The following SCN8A variants were observed in gnomAD, a reference collection of about 807,000 sequenced individuals.
The protein encoded by SCN8A is sodium channel protein type 8 subunit alpha.
Under a neutral mutation model 184.1 loss-of-function variants are expected in SCN8A, and 30 were observed. The observed-to-expected ratio is 0.16, with a 90% CI of 0.12 to 0.22. SCN8A has a LOEUF of 0.22. Ranked by LOEUF, SCN8A falls within the 10% of genes least tolerant of loss-of-function variation. The pLI, the probability that SCN8A is intolerant of heterozygous loss-of-function variation, is 1.00. For synonymous variants in SCN8A, 852 were observed against 907.0 expected (o/e 0.94, Z 1.09); for missense variants, 1,057 against 2,498.9 (o/e 0.42, Z 12.30).
intron 9 of SCN8A, among the ~76,000 whole-genome samples, chr12:51,704,648 T>G (rs1592391885): frequency 8.0e-6 from 1 of 124,564 alleles, no homozygotes; most frequent in African/African-American, 3.1e-5. Flanking sequence ...CCAGCCTGGG[T>G]GACAGAGCAA....
chr12:51,718,009 G>C (rs183848196), intron 11 of SCN8A, among the ~76,000 whole-genome samples: 2 of 152,258 alleles, frequency 1.3e-5, no homozygotes, highest in East Asian at 1.9e-4. Flanking sequence ...TGAGAGCATG[G>C]AATAATATGC....
chr12:51,807,424 T>C lies in SCN8A; in HGVS notation c.5938T>C (p.Cys1980Arg). The change falls in exon 27 of 27, where the codon TGT becomes CGT. Residue 1980 changes from cysteine to arginine, a missense_variant. By Grantham distance (180) the Cys-to-Arg change is radical. Around this residue, in one of 19 missense-constraint regions of SCN8A, gnomAD observed 95 missense variants for 140.2 expected, o/e 0.68. Transcript: ENST00000627620. The surrounding 1 kb of genome is among the most constrained non-coding windows in gnomAD (Gnocchi z 4.5). ...KRQKEVRESK[C>R] is the part of the protein sequence containing the mutation. ...ACAAAAAGAGGTCAGAGAATCCAAG[T>C]GTTAGAGGAGAACAAAAATTCAGTA... 4 of 1,607,258 alleles carry C rather than the reference T, an allele frequency of 2.5e-6. No homozygotes were observed. The highest frequency in any genetic ancestry group is 3.4e-6 in the Non-Finnish European group (4 of 1,176,494).
At chr12:51,672,525 C>G (rs144584581) in intron 2 of SCN8A, among the ~76,000 whole-genome samples, 1 of 152,182 alleles carries the variant, frequency 6.6e-6, no homozygotes, top group East Asian at 1.9e-4. Context: ...CAGTTCTTGG[C>G]CCATGTTCCT....
intron 1 of SCN8A, among the ~76,000 whole-genome samples, chr12:51,620,821 C>G (rs1565862141): frequency 6.7e-6 from 1 of 150,092 alleles, no homozygotes; most frequent in Non-Finnish European, 1.5e-5. Flanking sequence ...GACACCATCT[C>G]TATTTAAAAA....
At chr12:51,789,923 AT>A (rs1225596904) in intron 24 of SCN8A, among the ~76,000 whole-genome samples, 1 of 152,274 alleles carries the variant, frequency 6.6e-6, no homozygotes, top group Non-Finnish European at 1.5e-5. Context: ...AGTCAAGTCT[AT>A]CCCAGCATAC....
intron 1 of SCN8A, among the ~76,000 whole-genome samples, chr12:51,605,313 C>G (rs1939565239): frequency 6.6e-6 from 1 of 152,176 alleles, no homozygotes; most frequent in Non-Finnish European, 1.5e-5. Context: ...ATCCTCATAG[C>G]TTAGCTCCCA....
At chr12:51,737,725 T>C (rs1331458724) in intron 12 of SCN8A, among the ~76,000 whole-genome samples, 1 of 152,186 alleles carries the variant, frequency 6.6e-6, no homozygotes, top group Admixed American at 6.5e-5. Flanking sequence ...CATATAACAC[T>C]TAGCAGGCTG....
chr12:51,766,257 T>C, intron 16 of SCN8A: 1 of 568,316 alleles, frequency 1.8e-6, no homozygotes, highest in Admixed American at 3.2e-5. Flanking sequence ...TTTCCTAGAG[T>C]TAGGAAAGCA....
intron 1 of SCN8A, among the ~76,000 whole-genome samples, chr12:51,592,674 A>G (rs1939254374): frequency 6.6e-6 from 1 of 151,956 alleles, no homozygotes. Context: ...CTTTTTATGC[A>G]CAGTGGGCAC....
intron 11 of SCN8A, among the ~76,000 whole-genome samples, chr12:51,715,962 T>C (rs750252213): frequency 6.6e-6 from 1 of 152,172 alleles, no homozygotes; most frequent in Non-Finnish European, 1.5e-5. Flanking sequence ...TAAGGATGAA[T>C]CAGTCAATGT....
chr12:51,800,229 A>T lies in SCN8A; in HGVS notation c.4795+5588A>T, dbSNP rs568447739. 1.2e-3 allele frequency among the ~76,000 whole-genome samples: 182 copies of T among 152,392 alleles called. 1 individual carries two copies. Among genetic ancestry groups the T allele is most frequent in the African/African-American group, 4.1e-3 (169 of 41,592 alleles). ...GCATTTGCCAAATCCGTAGCTGCAT[A>T]TCAGATACCAGGAGATGTGTTAATT... On this transcript the variant is annotated intron_variant, in intron 26 of 26. Coordinates refer to ENST00000627620, the MANE Select transcript of SCN8A (RefSeq NM_001330260.2).
intron 12 of SCN8A, among the ~76,000 whole-genome samples, chr12:51,725,219 G>A (rs921371087): frequency 4.5e-4 from 69 of 152,204 alleles, no homozygotes; most frequent in Non-Finnish European, 9.6e-4. Flanking sequence ...GTTATGGCTA[G>A]TTGTTAACGG....
Position 51,636,203 on chromosome 12 carries a change from A to G in SCN8A, c.-54-26561A>G, listed in dbSNP as rs528622714. On this transcript the variant is annotated intron_variant, in intron 1 of 26. Coordinates refer to ENST00000627620, the MANE Select transcript of SCN8A (RefSeq NM_001330260.2). ...AGTAGAGACGGGGTTTCACCATGTT[A>G]GTTGGGGTGGTCTTGATCTCCTGAC... Among the ~76,000 whole-genome samples the G allele has an allele frequency of 3.3e-5, 5 of 152,224 alleles. No individual in the cohort carries two copies. In the South Asian group the frequency reaches 1.0e-3, roughly 32 times the overall value.
At chr12:51,719,843 G>A (rs1178695288) in intron 11 of SCN8A, among the ~76,000 whole-genome samples, 3 of 152,100 alleles carry the variant, frequency 2.0e-5, no homozygotes, top group East Asian at 1.9e-4. Flanking sequence ...TTGGGAGGCC[G>A]AGGCGGGCGG....
At chr12:51,718,159 G>A (rs1941995716) in intron 11 of SCN8A, among the ~76,000 whole-genome samples, 1 of 152,154 alleles carries the variant, frequency 6.6e-6, no homozygotes, top group South Asian at 2.1e-4. Flanking sequence ...TTAAAGAGGA[G>A]CCCCATAGCC....
At chr12:51,607,075 G>A (rs73295756) in intron 1 of SCN8A, among the ~76,000 whole-genome samples, 1 of 151,532 alleles carries the variant, frequency 6.6e-6, no homozygotes, top group East Asian at 2.0e-4. Context: ...TTTTGTATTT[G>A]CAGTAGAGAT....
chr12:51,726,507 T>C (rs1030871360), intron 12 of SCN8A, among the ~76,000 whole-genome samples: 1 of 152,184 alleles, frequency 6.6e-6, no homozygotes, highest in African/African-American at 2.4e-5. Context: ...ACTCCTAAGC[T>C]TTTACCATTA....
At chr12:51,596,741 G>A (rs1035080784) in intron 1 of SCN8A, among the ~76,000 whole-genome samples, 11 of 152,116 alleles carry the variant, frequency 7.2e-5, no homozygotes, top group Non-Finnish European at 1.5e-4. Context: ...ACACACTTGT[G>A]TTCCTTCTGT....
chr12:51,732,737 C>A (rs371920892), intron 12 of SCN8A, among the ~76,000 whole-genome samples: 9 of 152,006 alleles, frequency 5.9e-5, no homozygotes, highest in Admixed American at 2.6e-4. Context: ...TCTTCAATTT[C>A]TTTCGTCAGT....
Sources: allele counts gnomAD v4.1 joint callset (sites outside exome capture counted in the v4.1 genomes callset), GRCh38; gene constraint gnomAD v4.1.1; regional missense constraint gnomAD v4.1.1; non-coding constraint Gnocchi (gnomAD v3.1); transcripts MANE v1.5; gene names NCBI Gene and HGNC (gene_info 2026-07-23, HGNC 2026-07-21).